Variants in SAXO5 observed in about 807,000 individuals in gnomAD.
The protein encoded by SAXO5 is stabilizer of axonemal microtubules 5.
the SAXO5 span, chr19:7,501,033 C>A: frequency 6.6e-7 from 1 of 1,522,366 alleles, no homozygotes; most frequent in Non-Finnish European, 8.8e-7. Context: ...CCCAATGGAC[C>A]CGCGCTGGGA....
the SAXO5 span, chr19:7,501,086 G>A: frequency 6.7e-7 from 1 of 1,499,406 alleles, no homozygotes. Context: ...CGTTCCCGCC[G>A]CCATCCACGC....
At chr19:7,502,091 TA>T in the SAXO5 span, among the ~76,000 whole-genome samples, 794 of 151,948 alleles carry the variant, frequency 5.2e-3, 10 homozygotes, top group African/African-American at 0.018. Context: ...AAAATTTTAT[TA>T]TTTTTTTATT....
At chr19:7,501,544 G>T in the SAXO5 span, 230 of 973,714 alleles carry the variant, frequency 2.4e-4, no homozygotes, top group African/African-American at 3.5e-3. Flanking sequence ...GGGGGTGGCC[G>T]GGCGCGGTGG....
chr19:7,505,758 T>A, the SAXO5 span: 1 of 997,972 alleles, frequency 1.0e-6, no homozygotes, highest in Non-Finnish European at 1.5e-6. Context: ...TTGAGTGATC[T>A]AGGGCGAGTC....
At chr19:7,502,871 G>A in the SAXO5 span, among the ~76,000 whole-genome samples, 99,726 of 151,942 alleles carry the variant, frequency 0.66, 33,186 homozygotes, top group African/African-American at 0.74. Flanking sequence ...GCCAGCATTC[G>A]TGTAATTTTC....
chr19:7,503,981 A>T, the SAXO5 span: 8 of 592,358 alleles, frequency 1.4e-5, no homozygotes, highest in Non-Finnish European at 2.4e-5. Context: ...GGTGTTTGCC[A>T]GACAGCTCTC....
the SAXO5 span, chr19:7,506,500 C>T: frequency 2.5e-6 from 1 of 407,746 alleles, no homozygotes; most frequent in East Asian, 6.0e-5. Context: ...CCTTCTCCAT[C>T]CTCTCTTATC....
the SAXO5 span, chr19:7,505,957 C>A: frequency 6.4e-7 from 1 of 1,573,314 alleles, no homozygotes; most frequent in Non-Finnish European, 8.6e-7. Context: ...GCCATGTGGT[C>A]CTACAGCCGC....
the SAXO5 span, chr19:7,501,346 T>C: frequency 1.9e-6 from 3 of 1,554,372 alleles, no homozygotes; most frequent in Non-Finnish European, 2.6e-6. Context: ...CACCAGGCGC[T>C]CTTTCCACCC....
At chr19:7,506,932 TC>T in the SAXO5 span, 1 of 712,686 alleles carries the variant, frequency 1.4e-6, no homozygotes, top group Non-Finnish European at 2.5e-6. Context: ...TCCATTTTTC[TC>T]CCCTGGTCAA....
the SAXO5 span, among the ~76,000 whole-genome samples, chr19:7,502,183 A>G: frequency 1.3e-5 from 2 of 152,064 alleles, no homozygotes; most frequent in African/African-American, 2.4e-5. Context: ...CTCGGCTCAC[A>G]CAGACTAAAT....
the SAXO5 span, chr19:7,505,946 T>C: frequency 2.6e-6 from 4 of 1,546,706 alleles, no homozygotes; most frequent in Non-Finnish European, 2.6e-6. Flanking sequence ...AGCTTTCAAA[T>C]GCCATGTGGT....
the SAXO5 span, among the ~76,000 whole-genome samples, chr19:7,503,966 CT>C: frequency 1.3e-5 from 2 of 151,768 alleles, no homozygotes; most frequent in Non-Finnish European, 2.9e-5. Context: ...TTATTTTTAT[CT>C]TTTGGTGTTT....
At chr19:7,503,275 G>A in the SAXO5 span, among the ~76,000 whole-genome samples, 1 of 152,040 alleles carries the variant, frequency 6.6e-6, no homozygotes, top group South Asian at 2.1e-4. Flanking sequence ...GCTGAGGCAG[G>A]AGAATCGCTT....
At chr19:7,502,171 A>T in the SAXO5 span, among the ~76,000 whole-genome samples, 1 of 152,122 alleles carries the variant, frequency 6.6e-6, no homozygotes, top group African/African-American at 2.4e-5. Flanking sequence ...CAGTGGCATG[A>T]TCTCGGCTCA....
At chr19:7,506,227 A>T in the SAXO5 span, 1 of 1,333,374 alleles carries the variant, frequency 7.5e-7, no homozygotes. Context: ...CACCCCCGAA[A>T]GCCCCGCCCC....
the SAXO5 span, chr19:7,504,295 C>A: frequency 6.2e-7 from 1 of 1,613,976 alleles, no homozygotes; most frequent in African/African-American, 1.3e-5. Context: ...GCCTTCCTAT[C>A]CCTGTCTGCC....
At chr19:7,506,275 G>C in the SAXO5 span, 2 of 942,768 alleles carry the variant, frequency 2.1e-6, no homozygotes, top group East Asian at 5.4e-5. Context: ...CCCCCACGGA[G>C]CCCCGTCCCG....
the SAXO5 span, among the ~76,000 whole-genome samples, chr19:7,501,967 CG>C: frequency 6.6e-6 from 1 of 151,808 alleles, no homozygotes; most frequent in African/African-American, 2.4e-5. Flanking sequence ...AGGCCACCCG[CG>C]GTGGCTCACG....
Sources: gnomAD v4.1 joint callset for allele counts (sites outside exome capture counted in the v4.1 genomes callset) on GRCh38, gnomAD v4.1.1 for gene constraint, MANE v1.5 for transcripts, NCBI Gene and HGNC (gene_info 2026-07-23, HGNC 2026-07-21) for gene names.